The following KCNQ5 variants were observed in gnomAD, a reference collection of about 807,000 sequenced individuals.
KCNQ5 encodes the protein potassium voltage-gated channel subfamily Q member 5.
A neutral mutation model predicts 98.2 loss-of-function variants in KCNQ5; 30 were observed. The ratio of observed to expected loss-of-function variants is 0.31; its 90% CI spans 0.23 to 0.41. The LOEUF is 0.41. Ranked by LOEUF, KCNQ5 falls within the 10% of genes least tolerant of loss-of-function variation. KCNQ5 has a pLI of 1.00. For missense variants in KCNQ5, 835 were observed against 1,182.5 expected (o/e 0.71, Z 4.31); for synonymous variants, 458 against 449.4 (o/e 1.02, Z -0.24).
chr6:73,158,633 A>G (rs1480587677), intron 10 of KCNQ5, among the ~76,000 whole-genome samples: 2 of 152,068 alleles, frequency 1.3e-5, no homozygotes, highest in African/African-American at 4.8e-5. Flanking sequence ...AGTATACATT[A>G]TTTTTGTGAT....
intron 10 of KCNQ5, chr6:73,157,863 G>A: frequency 1.3e-6 from 1 of 779,082 alleles, no homozygotes; most frequent in Non-Finnish European, 2.4e-6. Flanking sequence ...GTGGGTTTTC[G>A]GGATCTAAGC....
At chr6:72,851,359 A>G (rs1268099022) in intron 1 of KCNQ5, among the ~76,000 whole-genome samples, 1 of 152,170 alleles carries the variant, frequency 6.6e-6, no homozygotes, top group Non-Finnish European at 1.5e-5. Flanking sequence ...TATCTGTATT[A>G]ATTAGCACTC....
At chr6:72,959,947 A>G (rs1457947531) in intron 1 of KCNQ5, among the ~76,000 whole-genome samples, 1 of 152,222 alleles carries the variant, frequency 6.6e-6, no homozygotes, top group Non-Finnish European at 1.5e-5. Context: ...AAATAAATGT[A>G]GAGAGATTTT....
intron 1 of KCNQ5, among the ~76,000 whole-genome samples, chr6:72,914,800 C>T (rs899561568): frequency 2.6e-5 from 4 of 151,622 alleles, no homozygotes; most frequent in Admixed American, 2.6e-4. Context: ...TTGGCTGGAT[C>T]CTTACATTCG....
At chr6:72,714,947 T>C (rs948041034) in intron 1 of KCNQ5, among the ~76,000 whole-genome samples, 1 of 152,106 alleles carries the variant, frequency 6.6e-6, no homozygotes, top group East Asian at 1.9e-4. Context: ...CAAACAAAAA[T>C]AAATATATAG....
At chr6:72,774,788 CT>C (rs1773082476) in intron 1 of KCNQ5, among the ~76,000 whole-genome samples, 1 of 152,160 alleles carries the variant, frequency 6.6e-6, no homozygotes, top group African/African-American at 2.4e-5. Context: ...CAATGACATA[CT>C]TCTGTGTATC....
At chr6:72,840,168 A>G (rs560072098) in intron 1 of KCNQ5, among the ~76,000 whole-genome samples, 1 of 152,262 alleles carries the variant, frequency 6.6e-6, no homozygotes, top group African/African-American at 2.4e-5. Context: ...ACTGCTGGAT[A>G]CTTAGGTTGT....
chr6:72,780,796 T>C (rs2154477847), intron 1 of KCNQ5, among the ~76,000 whole-genome samples: 1 of 152,254 alleles, frequency 6.6e-6, no homozygotes, highest in East Asian at 1.9e-4. Context: ...GGGTGGAATA[T>C]AGAATAGGGA....
chr6:73,121,763 T>C (rs538116966), intron 8 of KCNQ5, among the ~76,000 whole-genome samples: 2 of 152,282 alleles, frequency 1.3e-5, no homozygotes, highest in East Asian at 1.9e-4. Context: ...ATGCATACCA[T>C]TGGGAAGCAC....
intron 1 of KCNQ5, among the ~76,000 whole-genome samples, chr6:72,843,877 T>C (rs1484840166): frequency 1.3e-5 from 2 of 152,230 alleles, no homozygotes; most frequent in Non-Finnish European, 2.9e-5. Flanking sequence ...TGAGTTCATG[T>C]CCTTTCAGGG....
chr6:72,878,408 C>T (rs1778505603), intron 1 of KCNQ5, among the ~76,000 whole-genome samples: 1 of 146,636 alleles, frequency 6.8e-6, no homozygotes, highest in Non-Finnish European at 1.5e-5. Flanking sequence ...CTGATTGTCA[C>T]AACCCCAGGA....
intron 1 of KCNQ5, among the ~76,000 whole-genome samples, chr6:72,778,814 A>G (rs1245788727): frequency 6.6e-6 from 1 of 152,240 alleles, no homozygotes; most frequent in East Asian, 1.9e-4. Flanking sequence ...CAGAGAAACT[A>G]GAAGAGAGTT....
At chr6:72,838,673 G>A (rs889175152) in intron 1 of KCNQ5, among the ~76,000 whole-genome samples, 5 of 152,018 alleles carry the variant, frequency 3.3e-5, no homozygotes, top group South Asian at 2.1e-4. Context: ...AGCTGAGGCC[G>A]GGCGCGGTGG....
chr6:72,754,854 T>G (rs952280789), intron 1 of KCNQ5, among the ~76,000 whole-genome samples: 1 of 152,158 alleles, frequency 6.6e-6, no homozygotes, highest in Non-Finnish European at 1.5e-5. Flanking sequence ...ATATCTTTAC[T>G]GAATTTTATA....
chr6:72,988,285 A>T (rs1768905373), intron 1 of KCNQ5, among the ~76,000 whole-genome samples: 1 of 152,214 alleles, frequency 6.6e-6, no homozygotes, highest in South Asian at 2.1e-4. Flanking sequence ...GGATAAAGTA[A>T]TAAAATGCCC....
At chr6:72,912,297 A>T (rs1394666458) in intron 1 of KCNQ5, among the ~76,000 whole-genome samples, 1 of 152,202 alleles carries the variant, frequency 6.6e-6, no homozygotes, top group Non-Finnish European at 1.5e-5. Flanking sequence ...ATTAATTCAT[A>T]ACTTTTTCGT....
At chr6:72,978,742 T>C (rs1768278396) in intron 1 of KCNQ5, among the ~76,000 whole-genome samples, 1 of 152,256 alleles carries the variant, frequency 6.6e-6, no homozygotes, top group Non-Finnish European at 1.5e-5. Flanking sequence ...GTTTGTTACA[T>C]ATGTATACAT....
At chr6:72,792,597 G>A (rs1774111547) in intron 1 of KCNQ5, among the ~76,000 whole-genome samples, 1 of 152,118 alleles carries the variant, frequency 6.6e-6, no homozygotes, top group African/African-American at 2.4e-5. Flanking sequence ...CTGACTTTGA[G>A]TTGCTGTTAC....
At chr6:72,862,419 C>T (rs1777805236) in intron 1 of KCNQ5, among the ~76,000 whole-genome samples, 1 of 152,146 alleles carries the variant, frequency 6.6e-6, no homozygotes, top group Admixed American at 6.5e-5. Context: ...ATTATGATTC[C>T]CGTAGTGTTC....
Sources: gnomAD v4.1 joint callset for allele counts (sites outside exome capture counted in the v4.1 genomes callset) on GRCh38, gnomAD v4.1.1 for gene constraint, MANE v1.5 for transcripts, NCBI Gene and HGNC (gene_info 2026-07-23, HGNC 2026-07-21) for gene names.